Variants in HMGB1 observed in about 807,000 individuals in gnomAD.
The protein encoded by HMGB1 is high mobility group protein B1.
For missense variants in HMGB1, 79 were observed against 253.5 expected, an observed-to-expected ratio of 0.31 and a Z score of 4.67; for synonymous variants, 81 against 84.0, an observed-to-expected ratio of 0.96 and a Z score of 0.19.
At chr13:30,548,445 C>T (rs776600084) in intron 1 of HMGB1, among the ~76,000 whole-genome samples, 18 of 152,220 alleles carry the variant, frequency 1.2e-4, no homozygotes, top group Non-Finnish European at 2.5e-4. Context: ...ATTAACAGCA[C>T]GAGAATGGAC....
intron 1 of HMGB1, among the ~76,000 whole-genome samples, chr13:30,576,442 A>G (rs996280017): frequency 1.7e-4 from 26 of 152,068 alleles, no homozygotes; most frequent in African/African-American, 6.0e-4. Flanking sequence ...TACAAATTTG[A>G]TACAAAGAGG....
At chr13:30,538,506 CT>C (rs371125141) in intron 1 of HMGB1, among the ~76,000 whole-genome samples, 1 of 109,898 alleles carries the variant, frequency 9.1e-6, no homozygotes, top group Non-Finnish European at 1.8e-5. Flanking sequence ...TTCTTTCTTT[CT>C]TTCCTTTCTT....
intron 1 of HMGB1, chr13:30,465,171 G>A: frequency 2.1e-6 from 2 of 957,486 alleles, no homozygotes; most frequent in African/African-American, 1.8e-5. Context: ...CGAGCGCAGC[G>A]GCGCCGCTCC....
intron 1 of HMGB1, among the ~76,000 whole-genome samples, chr13:30,543,701 G>A (rs1869018426): frequency 6.6e-6 from 1 of 152,130 alleles, no homozygotes; most frequent in Non-Finnish European, 1.5e-5. Context: ...GGGCAGGGAT[G>A]CTAAAAGATT....
At chr13:30,507,748 G>C (rs571521262) in intron 1 of HMGB1, among the ~76,000 whole-genome samples, 1 of 152,268 alleles carries the variant, frequency 6.6e-6, no homozygotes, top group South Asian at 2.1e-4. Context: ...AATCCCAGCT[G>C]CTTGGGAGGC....
At chr13:30,594,265 T>C (rs546457563) in intron 1 of HMGB1, among the ~76,000 whole-genome samples, 1 of 152,336 alleles carries the variant, frequency 6.6e-6, no homozygotes, top group Non-Finnish European at 1.5e-5. Context: ...GTGCAGTTAT[T>C]ACTTGGGTAT....
At chr13:30,554,657 T>C (rs1003631867) in intron 1 of HMGB1, 9 of 771,850 alleles carry the variant, frequency 1.2e-5, no homozygotes, top group African/African-American at 1.7e-5. Flanking sequence ...AGGTGACCGA[T>C]GTACAGTAAA....
intron 1 of HMGB1, among the ~76,000 whole-genome samples, chr13:30,503,916 T>C (rs1353890729): frequency 6.6e-6 from 1 of 151,950 alleles, no homozygotes; most frequent in Non-Finnish European, 1.5e-5. Flanking sequence ...CTGGGCAACA[T>C]AGCAAGACCC....
Position 30,524,460 on chromosome 13 carries a change from C to T in HMGB1, c.-14-60766G>A, listed in dbSNP as rs555898060. Among the ~76,000 whole-genome samples, 6 of 151,568 alleles carry T rather than the reference C, an allele frequency of 4.0e-5. No individual in the cohort carries two copies. The East Asian group carries it at 9.7e-4, about 24-fold the overall frequency. On this transcript the variant is annotated intron_variant, in intron 1 of 4. Transcript: ENST00000405805. Reference sequence around the variant, plus strand: ...TCAGGAAACTTACAATCGTGGTGGACGGTGAAGGGGAAGCAAGGCACCTTC... The same window carrying T: ...TCAGGAAACTTACAATCGTGGTGGATGGTGAAGGGGAAGCAAGGCACCTTC...
At chr13:30,467,831 G>C (rs1036418396), upstream of HMGB1, among the ~76,000 whole-genome samples, 3 of 152,190 alleles carry the variant, frequency 2.0e-5, no homozygotes, top group African/African-American at 4.8e-5. Context: ...TGTTGGCTTT[G>C]TACTGGCACG....
chr13:30,577,827 G>A (rs1395890111), intron 1 of HMGB1, among the ~76,000 whole-genome samples: 2 of 152,166 alleles, frequency 1.3e-5, no homozygotes, highest in African/African-American at 2.4e-5. Flanking sequence ...TATCTCATCC[G>A]TTATCAGAAT....
intron 1 of HMGB1, among the ~76,000 whole-genome samples, chr13:30,567,791 C>T (rs1295796146): frequency 6.6e-6 from 1 of 152,128 alleles, no homozygotes; most frequent in African/African-American, 2.4e-5. Context: ...TAGAACACTC[C>T]ATCACGGCTC....
At position 30,537,620 on chromosome 13, in the gene HMGB1, C is replaced by T. The variant is rs143406389; in HGVS notation, c.-14-73926G>A. On this transcript the variant is annotated intron_variant, in intron 1 of 4. Transcript: ENST00000405805. ...AATTTTGTCTGATTCACCCACGTCG[C>T]TGCATGTGGTGGCAATTCATTCATT... Among the ~76,000 whole-genome samples the T allele has an allele frequency of 2.7e-3, 382 of 140,382 alleles. 5 individuals carry two copies. Among genetic ancestry groups the T allele is most frequent in the African/African-American group, 9.2e-3 (359 of 38,936 alleles). 92.1% of individuals were successfully genotyped at this position (140,382 alleles called of 152,430 possible).
At chr13:30,604,433 C>T (rs531738582) in intron 1 of HMGB1, among the ~76,000 whole-genome samples, 1 of 152,290 alleles carries the variant, frequency 6.6e-6, no homozygotes, top group African/African-American at 2.4e-5. Flanking sequence ...ACATTTCTGG[C>T]TGTCACAACT....
At chr13:30,574,632 T>C (rs1221577930) in intron 1 of HMGB1, among the ~76,000 whole-genome samples, 1 of 152,248 alleles carries the variant, frequency 6.6e-6, no homozygotes, top group Admixed American at 6.5e-5. Context: ...ACTGAAAGTC[T>C]TGACTAGTGG....
chr13:30,465,715 C>G (rs1179977557), intron 1 of HMGB1, 81 bp downstream of exon 1: 3 of 782,716 alleles, frequency 3.8e-6, no homozygotes, highest in Admixed American at 6.3e-5. Context: ...CGCCGGCTCC[C>G]GGCCGCGGGG....
intron 1 of HMGB1, chr13:30,464,193 T>C: frequency 1.0e-6 from 1 of 985,030 alleles, no homozygotes; most frequent in African/African-American, 1.7e-5. Flanking sequence ...ACACCCTCTT[T>C]GCATAAAACT....
chr13:30,598,899 G>A (rs1023565387), intron 1 of HMGB1, among the ~76,000 whole-genome samples: 1 of 110,434 alleles, frequency 9.1e-6, no homozygotes, highest in African/African-American at 3.5e-5. Context: ...ATGTACACAC[G>A]TATATGTATA....
intron 1 of HMGB1, among the ~76,000 whole-genome samples, chr13:30,497,660 G>A (rs1053604495): frequency 1.3e-5 from 2 of 152,072 alleles, no homozygotes; most frequent in African/African-American, 4.8e-5. Context: ...TTGTATCCGT[G>A]TGTACTCACT....
Sources: gnomAD v4.1 joint callset for allele counts (sites outside exome capture counted in the v4.1 genomes callset) on GRCh38, gnomAD v4.1.1 for gene constraint, MANE v1.5 for transcripts, NCBI Gene and HGNC (gene_info 2026-07-23, HGNC 2026-07-21) for gene names.